Variants in CDC14B observed in about 807,000 individuals in gnomAD.
CDC14B encodes the protein dual specificity protein phosphatase CDC14B.
A neutral mutation model predicts 64.2 loss-of-function variants in CDC14B; 22 were observed. The observed-to-expected ratio is 0.34, with a 90% CI of 0.24 to 0.49. The LOEUF is 0.49. Ranked by LOEUF, CDC14B falls within the 20% of genes least tolerant of loss-of-function variation. The pLI is 0.99. For missense variants in CDC14B, 498 were observed against 629.9 expected (o/e 0.79, Z 2.24); for synonymous variants, 191 against 215.8 (o/e 0.89, Z 1.01).
At position 96,564,847 on chromosome 9, in the gene CDC14B, T is replaced by C. The variant is rs1024160717; in HGVS notation, c.257A>G (p.Tyr86Cys). Residue 86 changes from tyrosine (Y) to cysteine (C), a missense_variant, in exon 3 of 14, where the codon TAC becomes TGC. Transcript: ENST00000375241. ...IDNELEYENF[Y>C]ADFGPLNLAM... ...CAGATTGAGTGGTCCAAAATCTGCG[T>C]AGAAGCTTTAAAAATGAAAAATAAA... The C allele has an allele frequency of 6.3e-6, 10 of 1,593,716 alleles. No individual in the cohort carries two copies. The highest frequency in any genetic ancestry group is 8.6e-6 in the Non-Finnish European group (10 of 1,168,148).
chr9:96,502,594 ATTT>A lies in CDC14B; in HGVS notation c.*1156_*1158del, dbSNP rs34988377. On this transcript the variant is annotated 3_prime_UTR_variant, in exon 14 of 14. Coordinates refer to ENST00000375241, the MANE Select transcript of CDC14B (RefSeq NM_033331.4). The stretch of plus-strand genomic sequence containing the variant: ...TATATATTCTTTTATTTCGGGCCCC[ATTT>A]TTTTTTTTTTTTTTAGCAGCACATC... 7,101 of 250,224 alleles carry A rather than the reference ATTT, an allele frequency of 0.028. No individual in the cohort carries two copies. Among genetic ancestry groups the A allele is most frequent in the Middle Eastern group, 0.055 (51 of 920 alleles). The allele number at this position is 250,224 out of a possible 1,614,324, so 15.5% of individuals were successfully genotyped here.
chr9:96,619,210 C>T lies in CDC14B; in HGVS notation c.160+9G>A. On this transcript the variant is annotated intron_variant, in intron 1 of 13. Transcript: ENST00000375241. Reference sequence around the variant, plus strand: ...CCGGGGCCCTCCGCGCGCCCACTGGCCGGCTCACCGGTGATGTCCAGGTAC... The same window carrying T: ...CCGGGGCCCTCCGCGCGCCCACTGGTCGGCTCACCGGTGATGTCCAGGTAC... 7.8e-7 allele frequency: 1 copy of T among 1,282,860 alleles called. No individual in the cohort carries two copies. The highest frequency in any genetic ancestry group is 9.9e-7 in the Non-Finnish European group (1 of 1,011,162). The allele number at this position is 1,282,860 out of a possible 1,614,324, so 79.5% of individuals were successfully genotyped here. A position where few individuals can be genotyped will look rare whatever the true frequency, so the allele number is the denominator to read the frequency against.
At chr9:96,524,424 C>T (rs1837258983) in intron 9 of CDC14B, among the ~76,000 whole-genome samples, 1 of 152,210 alleles carries the variant, frequency 6.6e-6, no homozygotes, top group African/African-American at 2.4e-5. Flanking sequence ...CTTTGCAAAA[C>T]CAAAGGCTTG....
intron 12 of CDC14B, among the ~76,000 whole-genome samples, chr9:96,517,379 G>A (rs574711677): frequency 1.5e-3 from 218 of 148,826 alleles, no homozygotes; most frequent in Non-Finnish European, 2.2e-3. Context: ...AAGGCCGGGC[G>A]TGGTGGCTCA....
chr9:96,521,855 C>T (rs1836778413), intron 12 of CDC14B, among the ~76,000 whole-genome samples: 1 of 152,138 alleles, frequency 6.6e-6, no homozygotes, highest in Non-Finnish European at 1.5e-5. Context: ...GAACAGCCTA[C>T]AAAAAATACC....
chr9:96,579,413 C>A (rs918851761), intron 1 of CDC14B, among the ~76,000 whole-genome samples: 1 of 151,862 alleles, frequency 6.6e-6, no homozygotes, highest in Admixed American at 6.6e-5. Context: ...CAGTGAAACC[C>A]CGTCTCTACC....
At chr9:96,591,981 G>A (rs1245023250) in intron 1 of CDC14B, among the ~76,000 whole-genome samples, 4 of 152,132 alleles carry the variant, frequency 2.6e-5, no homozygotes, top group Non-Finnish European at 4.4e-5. Context: ...TCCTGACCTC[G>A]TGATCTGCCC....
At chr9:96,527,841 T>G (rs1837822440) in intron 9 of CDC14B, among the ~76,000 whole-genome samples, 1 of 152,058 alleles carries the variant, frequency 6.6e-6, no homozygotes, top group Admixed American at 6.6e-5. Context: ...GGTCTTGATC[T>G]CCTGACCTCG....
intron 1 of CDC14B, among the ~76,000 whole-genome samples, chr9:96,581,499 A>G (rs1447373841): frequency 6.6e-6 from 1 of 151,722 alleles, no homozygotes; most frequent in East Asian, 1.9e-4. Flanking sequence ...AATTAATTAA[A>G]TTTAAAAAAT....
At position 96,502,388 on chromosome 9, in the gene CDC14B, GA is replaced by G; in HGVS notation, c.*1364del. On this transcript the variant is annotated 3_prime_UTR_variant, in exon 14 of 14. Coordinates refer to ENST00000375241, the MANE Select transcript of CDC14B (RefSeq NM_033331.4). ...CCGCTTTTATTTCTTCCAGTTTTGT[GA>G]AAAAGGCAGCTTCTTAAAATGGAGT... 6.5e-6 allele frequency: 1 copy of G among 153,754 alleles called. No homozygotes were observed. The highest frequency in any genetic ancestry group is 1.4e-5 in the Non-Finnish European group (1 of 69,098). 9.5% of individuals were successfully genotyped at this position (153,754 alleles called of 1,614,324 possible).
chr9:96,596,598 C>T (rs1410834309), intron 1 of CDC14B, among the ~76,000 whole-genome samples: 2 of 152,100 alleles, frequency 1.3e-5, no homozygotes, highest in African/African-American at 4.8e-5. Context: ...TAGTGGCTCA[C>T]TCCTACAATC....
chr9:96,544,072 C>T (rs765753591), intron 5 of CDC14B, among the ~76,000 whole-genome samples: 2 of 151,954 alleles, frequency 1.3e-5, no homozygotes, highest in Non-Finnish European at 2.9e-5. Flanking sequence ...TAAAAATTAG[C>T]CGGGCATGGT....
At chr9:96,543,944 C>T (rs760240361) in intron 5 of CDC14B, among the ~76,000 whole-genome samples, 7 of 152,166 alleles carry the variant, frequency 4.6e-5, no homozygotes, top group Non-Finnish European at 8.8e-5. Context: ...TGAGGCCGGG[C>T]GTGGTGGCTC....
intron 1 of CDC14B, among the ~76,000 whole-genome samples, chr9:96,577,476 C>T (rs1844881461): frequency 6.6e-6 from 1 of 152,088 alleles, no homozygotes; most frequent in South Asian, 2.1e-4. Context: ...CTCTATCACA[C>T]CATTTTTCAA....
intron 9 of CDC14B, among the ~76,000 whole-genome samples, chr9:96,531,131 T>C (rs1838414685): frequency 6.6e-6 from 1 of 152,196 alleles, no homozygotes; most frequent in Non-Finnish European, 1.5e-5. Context: ...TGTCTTTTTG[T>C]TTTTGGTATC....
intron 1 of CDC14B, among the ~76,000 whole-genome samples, chr9:96,594,731 A>C (rs1845974968): frequency 6.6e-6 from 1 of 150,734 alleles, no homozygotes; most frequent in South Asian, 2.1e-4. Context: ...AAAAAAAAAA[A>C]AAAAAAAGCC....
intron 5 of CDC14B, among the ~76,000 whole-genome samples, chr9:96,546,789 T>G (rs1401389229): frequency 6.7e-6 from 1 of 149,998 alleles, no homozygotes; most frequent in Admixed American, 6.6e-5. Context: ...ATGGCCGGGC[T>G]CGGTGGCTCA....
chr9:96,539,262 T>A, intron 6 of CDC14B, 122 bp from the exon 7 acceptor site: 1 of 675,760 alleles, frequency 1.5e-6, no homozygotes, highest in East Asian at 2.6e-5. Flanking sequence ...TCAGATTACT[T>A]TCCACTGAAC....
At chr9:96,561,122 AAACAAGGTTT>A (rs1174449164) in intron 4 of CDC14B, among the ~76,000 whole-genome samples, 1 of 151,868 alleles carries the variant, frequency 6.6e-6, no homozygotes, top group Non-Finnish European at 1.5e-5. Flanking sequence ...TTTTTAGTAG[AAACAAGGTTT>A]CACCATGTTG....
Sources: gnomAD v4.1 joint callset for allele counts (sites outside exome capture counted in the v4.1 genomes callset) on GRCh38, gnomAD v4.1.1 for gene constraint, MANE v1.5 for transcripts, NCBI Gene and HGNC (gene_info 2026-07-23, HGNC 2026-07-21) for gene names.